MYRFL: variants seen among roughly 807,000 people sequenced by gnomAD.
MYRFL encodes the protein myelin regulatory factor-like protein.
MYRFL carries 88 observed loss-of-function variants against 109.4 expected under a neutral mutation model. The observed-to-expected ratio is 0.80, with a 90% CI of 0.68 to 0.96. The LOEUF (loss-of-function observed/expected upper bound fraction) is 0.96, where lower values mean the gene tolerates loss of function less well. Among genes scored for constraint, MYRFL ranks in the 40% least tolerant of loss-of-function variants. MYRFL has a pLI of 0.00. For synonymous variants in MYRFL, 324 were observed against 320.9 expected, an observed-to-expected ratio of 1.01 and a Z score of -0.10; for missense variants, 957 against 954.9, an observed-to-expected ratio of 1.00 and a Z score of -0.03.
chr12:69,880,080 G>C (rs1417486004), intron 4 of MYRFL, 121 bp from the exon 5 acceptor site: 1 of 597,330 alleles, frequency 1.7e-6, no homozygotes, highest in Non-Finnish European at 3.0e-6. Context: ...AGGGCTCAAG[G>C]AACCTTAACT....
chr12:69,879,402 A>G lies in MYRFL; in HGVS notation c.413A>G (p.His138Arg), dbSNP rs1885915968. 1.4e-6 allele frequency: 1 copy of G among 702,854 alleles called. No homozygotes were observed. The highest frequency in any genetic ancestry group is 2.6e-6 in the Non-Finnish European group (1 of 384,830). 43.5% of individuals were successfully genotyped at this position (702,854 alleles called of 1,614,324 possible). A position where few individuals can be genotyped will look rare whatever the true frequency, so the allele number is the denominator to read the frequency against. The change falls in exon 4 of 25, where the codon CAT becomes CGT. Residue 138 changes from histidine to arginine, a missense_variant. Coordinates refer to ENST00000552032, the MANE Select transcript of MYRFL (RefSeq NM_182530.3). The part of the protein sequence containing the change: ...ATPLDQSVSS[H>R]LGIGCSYPQQ... ...CCCCTGGACCAATCCGTGTCCTCCC[A>G]TCTGGGGATAGGTTGTTCTTACCCT...
At chr12:69,877,027 T>TTTC (rs1885715465) in intron 2 of MYRFL, among the ~76,000 whole-genome samples, 482 of 37,032 alleles carry the variant, frequency 0.013, 5 homozygotes, top group African/African-American at 0.048. Flanking sequence ...TTCTTTCTTT[T>TTTC]TTTTTTTTTT....
chr12:69,908,690 A>G, intron 11 of MYRFL, among the ~76,000 whole-genome samples: 1 of 152,244 alleles, frequency 6.6e-6, no homozygotes, highest in Admixed American at 6.5e-5. Flanking sequence ...ATAATCATAT[A>G]TGATTACGTA....
At chr12:69,915,283 T>G (rs981415466) in intron 13 of MYRFL, among the ~76,000 whole-genome samples, 2 of 152,188 alleles carry the variant, frequency 1.3e-5, no homozygotes, top group African/African-American at 4.8e-5. Flanking sequence ...GTCCTGGGCT[T>G]CATGTGCTGT....
At chr12:69,859,548 A>C (rs1204553791) in intron 2 of MYRFL, among the ~76,000 whole-genome samples, 1 of 152,228 alleles carries the variant, frequency 6.6e-6, no homozygotes, top group Non-Finnish European at 1.5e-5. Flanking sequence ...AAGTGCAAAC[A>C]CATTTAGTAC....
intron 10 of MYRFL, among the ~76,000 whole-genome samples, chr12:69,897,470 G>A (rs1327338989): frequency 6.6e-6 from 1 of 152,148 alleles, no homozygotes; most frequent in Admixed American, 6.5e-5. Context: ...GTCACAGCTG[G>A]CATCTAGTGG....
intron 16 of MYRFL, among the ~76,000 whole-genome samples, chr12:69,935,683 C>T (rs1276711023): frequency 6.6e-6 from 1 of 152,206 alleles, no homozygotes; most frequent in Non-Finnish European, 1.5e-5. Flanking sequence ...GCTGACTAGA[C>T]CTGTGCCGCC....
At chr12:69,838,294 C>T (rs1456349185) in intron 1 of MYRFL, among the ~76,000 whole-genome samples, 1 of 152,124 alleles carries the variant, frequency 6.6e-6, no homozygotes, top group Non-Finnish European at 1.5e-5. Context: ...GTGGTGTCTC[C>T]TCCTTAGCTG....
intron 2 of MYRFL, among the ~76,000 whole-genome samples, chr12:69,876,005 G>A (rs1430448223): frequency 6.6e-6 from 1 of 152,202 alleles, no homozygotes; most frequent in African/African-American, 2.4e-5. Flanking sequence ...GTTCAGTCCT[G>A]TTGTCTTTGG....
intron 13 of MYRFL, among the ~76,000 whole-genome samples, chr12:69,924,184 G>A (rs1152968): frequency 0.3 from 38,612 of 129,722 alleles, 5,675 homozygotes; most frequent in Non-Finnish European, 0.34. Flanking sequence ...GCAGGACTCC[G>A]TCTCAGAAAA....
At chr12:69,900,123 C>T (rs976061771) in intron 10 of MYRFL, among the ~76,000 whole-genome samples, 6 of 152,142 alleles carry the variant, frequency 3.9e-5, no homozygotes, top group African/African-American at 1.2e-4. Context: ...AGTTTCTTTT[C>T]CAGAAGAATA....
chr12:69,918,638 T>C (rs1241918528), intron 13 of MYRFL, among the ~76,000 whole-genome samples: 1 of 152,202 alleles, frequency 6.6e-6, no homozygotes, highest in African/African-American at 2.4e-5. Flanking sequence ...TATCAGACTT[T>C]CTAAATTTTG....
intron 18 of MYRFL, 59 bp downstream of exon 18, chr12:69,936,394 A>T (rs1311706380): frequency 7.9e-6 from 12 of 1,528,346 alleles, no homozygotes; most frequent in Non-Finnish European, 4.4e-6. Context: ...TTAACAGAAG[A>T]AACCAGCCTT....
intron 2 of MYRFL, among the ~76,000 whole-genome samples, chr12:69,861,941 G>T (rs1243720892): frequency 6.6e-6 from 1 of 151,106 alleles, no homozygotes; most frequent in African/African-American, 2.4e-5. Context: ...TATAAGGAAG[G>T]GATCCAGTTT....
chr12:69,839,776 A>G (rs535008948), intron 1 of MYRFL, among the ~76,000 whole-genome samples: 19 of 152,314 alleles, frequency 1.2e-4, no homozygotes, highest in African/African-American at 3.6e-4. Flanking sequence ...AGTATTATCA[A>G]TCTTCTCCAT....
At chr12:69,885,916 T>A (rs1289409640) in intron 5 of MYRFL, among the ~76,000 whole-genome samples, 2 of 152,144 alleles carry the variant, frequency 1.3e-5, no homozygotes, top group Non-Finnish European at 2.9e-5. Flanking sequence ...GATGGCAGGA[T>A]ACATGTTTTT....
chr12:69,831,169 G>T (rs753883943), intron 1 of MYRFL, among the ~76,000 whole-genome samples: 1 of 152,122 alleles, frequency 6.6e-6, no homozygotes, highest in Non-Finnish European at 1.5e-5. Context: ...ATCTCTTAAT[G>T]TTAGTTATTC....
chr12:69,865,183 G>A (rs1384010104), intron 2 of MYRFL, among the ~76,000 whole-genome samples: 6 of 152,196 alleles, frequency 3.9e-5, no homozygotes, highest in Non-Finnish European at 4.4e-5. Context: ...TGTGATGCAG[G>A]AGTCTTCAGA....
rs1955478056 is a variant in MYRFL, at chr12:69,936,601, G to A, written c.2193G>A (p.Glu731=). ...VSSSPVQRQS[E]EKEFHQRRWS... is the part of the protein sequence containing the mutation. ...CAAGTCCTGTGCAAAGACAATCTGA[G>A]GAGAAGGAATTCCATCAGAGGCGAT... The change falls in exon 19 of 25, where the codon GAG becomes GAA. Residue 731 remains glutamate, a synonymous_variant. Coordinates refer to ENST00000552032, the MANE Select transcript of MYRFL (RefSeq NM_182530.3). 3 of 1,532,642 alleles carry A rather than the reference G, an allele frequency of 2.0e-6. No homozygotes were observed. Among genetic ancestry groups the A allele is most frequent in the Non-Finnish European group, 2.6e-6 (3 of 1,144,518 alleles). 94.9% of individuals were successfully genotyped at this position (1,532,642 alleles called of 1,614,324 possible).
Sources: allele counts gnomAD v4.1 joint callset (sites outside exome capture counted in the v4.1 genomes callset), GRCh38; gene constraint gnomAD v4.1.1; transcripts MANE v1.5; gene names NCBI Gene and HGNC (gene_info 2026-07-23, HGNC 2026-07-21).